The following WNT3 variants were observed in gnomAD, a reference collection of about 807,000 sequenced individuals.
WNT3 encodes proto-oncogene Wnt-3.
Under a neutral mutation model 34.2 loss-of-function variants are expected in WNT3, and 7 were observed. The ratio of observed to expected loss-of-function variants is 0.20; its 90% CI spans 0.12 to 0.38. The LOEUF (loss-of-function observed/expected upper bound fraction) is 0.38, where lower values mean the gene tolerates loss of function less well. Ranked by LOEUF, WNT3 falls within the 10% of genes least tolerant of loss-of-function variation. The pLI is 1.00. For missense variants in WNT3, 267 were observed against 499.8 expected (o/e 0.53, Z 4.44); for synonymous variants, 212 against 211.5 (o/e 1.00, Z -0.02).
At chr17:46,764,849 G>A (rs1172736534) in intron 4 of WNT3, among the ~76,000 whole-genome samples, 2 of 152,174 alleles carry the variant, frequency 1.3e-5, no homozygotes, top group African/African-American at 4.8e-5. Context: ...CACAGAATGG[G>A]ATCGAAATTC....
chr17:46,811,934 G>A (rs1044220190), intron 1 of WNT3, among the ~76,000 whole-genome samples: 6 of 152,158 alleles, frequency 3.9e-5, no homozygotes, highest in Non-Finnish European at 8.8e-5. Context: ...TCCAGCCTGG[G>A]CGACAGAGCA....
At chr17:46,791,508 C>T (rs2083986657) in intron 1 of WNT3, among the ~76,000 whole-genome samples, 1 of 152,112 alleles carries the variant, frequency 6.6e-6, no homozygotes, top group Non-Finnish European at 1.5e-5. Context: ...CGCCCGGCCT[C>T]CTCACTGTTT....
At chr17:46,767,687 T>C (rs1292207289) in intron 4 of WNT3, among the ~76,000 whole-genome samples, 5 of 152,222 alleles carry the variant, frequency 3.3e-5, no homozygotes, top group Admixed American at 3.3e-4. Flanking sequence ...AGCTAGCAGC[T>C]ATGCAAAAAT....
intron 2 of WNT3, among the ~76,000 whole-genome samples, chr17:46,771,716 C>G (rs1248571094): frequency 9.2e-4 from 131 of 142,316 alleles, no homozygotes; most frequent in African/African-American, 3.2e-3. Context: ...CCCCCGGCCC[C>G]GGCGCCGGGC....
At chr17:46,767,644 GCCC>G in intron 4 of WNT3, among the ~76,000 whole-genome samples, 1 of 152,222 alleles carries the variant, frequency 6.6e-6, no homozygotes, top group Admixed American at 6.5e-5. Context: ...CCAGCTTCCA[GCCC>G]CCCATCTCCA....
At chr17:46,818,472 C>T (rs933672277) in intron 1 of WNT3, 46 bp downstream of exon 1, 1 of 1,564,106 alleles carries the variant, frequency 6.4e-7, no homozygotes, top group Non-Finnish European at 8.7e-7. Flanking sequence ...CTTCCCCGGA[C>T]GCGGCGGAGA....
chr17:46,816,678 A>G (rs149859812), intron 1 of WNT3, among the ~76,000 whole-genome samples: 76 of 148,184 alleles, frequency 5.1e-4, no homozygotes, highest in African/African-American at 1.9e-3. Context: ...CCAAGATACC[A>G]TTTCACACCA....
At chr17:46,782,811 C>T (rs547905283) in intron 1 of WNT3, among the ~76,000 whole-genome samples, 2 of 152,354 alleles carry the variant, frequency 1.3e-5, no homozygotes, top group African/African-American at 4.8e-5. Context: ...AGAAACCTAG[C>T]TCAGGATTCC....
intron 1 of WNT3, among the ~76,000 whole-genome samples, chr17:46,810,194 G>T (rs531271357): frequency 2.0e-5 from 3 of 151,986 alleles, no homozygotes; most frequent in Non-Finnish European, 4.4e-5. Flanking sequence ...TTTTAGTAGA[G>T]ACAGGGTTTC....
At chr17:46,815,512 T>G (rs2084329449) in intron 1 of WNT3, among the ~76,000 whole-genome samples, 1 of 152,060 alleles carries the variant, frequency 6.6e-6, no homozygotes, top group African/African-American at 2.4e-5. Flanking sequence ...AAGATGGGCT[T>G]AGATGCTCAA....
At chr17:46,796,459 G>C (rs998570318) in intron 1 of WNT3, among the ~76,000 whole-genome samples, 20 of 152,162 alleles carry the variant, frequency 1.3e-4, no homozygotes, top group Non-Finnish European at 1.5e-5. Flanking sequence ...CATTACCCAG[G>C]TAATTAGGGA....
intron 1 of WNT3, among the ~76,000 whole-genome samples, chr17:46,778,944 A>G (rs1245550203): frequency 6.6e-6 from 1 of 151,902 alleles, no homozygotes; most frequent in Admixed American, 6.6e-5. Context: ...TCTTATCCCA[A>G]AGTGCTGAAC....
At chr17:46,796,586 C>A (rs1199674425) in intron 1 of WNT3, among the ~76,000 whole-genome samples, 1 of 152,212 alleles carries the variant, frequency 6.6e-6, no homozygotes, top group Non-Finnish European at 1.5e-5. Flanking sequence ...CACAGAGAGG[C>A]AAGCGCAACT....
chr17:46,763,743 T>C lies in WNT3; in HGVS notation c.*887A>G, dbSNP rs1332059995. On this transcript the variant is annotated 3_prime_UTR_variant, in exon 5 of 5. Coordinates refer to ENST00000225512, the MANE Select transcript of WNT3 (RefSeq NM_030753.5). Reference sequence around the variant, plus strand: ...CTGGGAAGGACTGAATGGCCCCTTCTGAAGATACCGCTTATTTATTTAGGA... The same window carrying C: ...CTGGGAAGGACTGAATGGCCCCTTCCGAAGATACCGCTTATTTATTTAGGA... The C allele has an allele frequency of 6.7e-6, 1 of 149,636 alleles. No individual in the cohort carries two copies. The highest frequency in any genetic ancestry group is 6.7e-5 in the Admixed American group (1 of 14,854). 9.3% of individuals were successfully genotyped at this position (149,636 alleles called of 1,614,324 possible).
chr17:46,795,390 G>A (rs746969314), intron 1 of WNT3, among the ~76,000 whole-genome samples: 2 of 152,144 alleles, frequency 1.3e-5, no homozygotes, highest in Non-Finnish European at 2.9e-5. Context: ...GCTCCCCTCC[G>A]AGGTGGGGAA....
At chr17:46,808,720 A>G (rs2084229692) in intron 1 of WNT3, among the ~76,000 whole-genome samples, 2 of 152,172 alleles carry the variant, frequency 1.3e-5, no homozygotes, top group African/African-American at 4.8e-5. Flanking sequence ...AATGACTTAG[A>G]CACTTAAGCA....
intron 3 of WNT3, 105 bp downstream of exon 3, chr17:46,769,678 C>T (rs914546465): frequency 8.0e-5 from 119 of 1,492,364 alleles, no homozygotes; most frequent in Non-Finnish European, 1.0e-4. Flanking sequence ...AAGGAGCCCG[C>T]GACCCACAGG....
chr17:46,774,019 T>C (rs1007413054), intron 1 of WNT3, 110 bp from the exon 2 acceptor site: 4 of 1,460,928 alleles, frequency 2.7e-6, no homozygotes, highest in Non-Finnish European at 3.7e-6. Context: ...GCAGAGGGCC[T>C]GTGCCCTGGC....
At chr17:46,792,174 C>G (rs148219885) in intron 1 of WNT3, among the ~76,000 whole-genome samples, 1 of 152,192 alleles carries the variant, frequency 6.6e-6, no homozygotes, top group Non-Finnish European at 1.5e-5. Context: ...GCACATTAGC[C>G]CCAGTTAAGG....
Sources: allele counts gnomAD v4.1 joint callset (sites outside exome capture counted in the v4.1 genomes callset), GRCh38; gene constraint gnomAD v4.1.1; transcripts MANE v1.5; gene names NCBI Gene and HGNC (gene_info 2026-07-23, HGNC 2026-07-21).